The following CSMD2 variants were observed in gnomAD, a reference collection of about 807,000 sequenced individuals.
CSMD2 encodes CUB and Sushi multiple domains 2, also known as CUB and sushi domain-containing protein 2.
A neutral mutation model predicts 398.5 loss-of-function variants in CSMD2; 130 were observed. The observed-to-expected ratio is 0.33, with a 90% CI of 0.28 to 0.38. The LOEUF (loss-of-function observed/expected upper bound fraction) is 0.38, where lower values mean the gene tolerates loss of function less well. Among genes scored for constraint, CSMD2 ranks in the 10% least tolerant of loss-of-function variants. The probability of loss-of-function intolerance (pLI) is 1.00; values close to 1 mark genes in which losing one functional copy is unlikely to be tolerated. For synonymous variants in CSMD2, 1,828 were observed against 1,908.5 expected (o/e 0.96, Z 1.10); for missense variants, 3,829 against 4,764.9 (o/e 0.80, Z 5.78).
At chr1:34,107,669 A>T (rs951787589) in intron 1 of CSMD2, among the ~76,000 whole-genome samples, 12 of 152,168 alleles carry the variant, frequency 7.9e-5, no homozygotes, top group Non-Finnish European at 1.8e-4. Flanking sequence ...CCAATGTAGT[A>T]AGCTAAACTC....
chr1:33,849,484 T>TG (rs1638541128), intron 5 of CSMD2, among the ~76,000 whole-genome samples: 1 of 152,142 alleles, frequency 6.6e-6, no homozygotes, highest in African/African-American at 2.4e-5. Context: ...TTGTCAGAGC[T>TG]GGGGGTGAGA....
intron 53 of CSMD2, among the ~76,000 whole-genome samples, chr1:33,566,811 G>C (rs1163228461): frequency 6.6e-6 from 1 of 152,048 alleles, no homozygotes; most frequent in Non-Finnish European, 1.5e-5. Flanking sequence ...GAAGTGCAAG[G>C]AAAAACAGAA....
intron 1 of CSMD2, among the ~76,000 whole-genome samples, chr1:34,125,887 G>T (rs921938539): frequency 6.6e-6 from 1 of 152,160 alleles, no homozygotes; most frequent in Admixed American, 6.5e-5. Context: ...GCCCCGGGAG[G>T]GCTTTTGAGG....
chr1:33,973,300 C>T (rs1316264592), intron 3 of CSMD2, among the ~76,000 whole-genome samples: 1 of 152,210 alleles, frequency 6.6e-6, no homozygotes, highest in Non-Finnish European at 1.5e-5. Flanking sequence ...GCAGTGCAGA[C>T]AGCTGAGAGG....
chr1:33,772,792 C>G (rs561892045), intron 12 of CSMD2, 41 bp from the exon 13 acceptor site: 1 of 1,552,788 alleles, frequency 6.4e-7, no homozygotes, highest in South Asian at 1.2e-5. Context: ...CAAAAGGTGA[C>G]TTTATACCTC....
chr1:33,987,620 A>C (rs747082262), intron 3 of CSMD2, among the ~76,000 whole-genome samples: 2 of 152,172 alleles, frequency 1.3e-5, no homozygotes, highest in Non-Finnish European at 2.9e-5. Flanking sequence ...CTCTGTGGAT[A>C]AATTGCAAGG....
intron 52 of CSMD2, 31 bp from the exon 53 acceptor site, chr1:33,567,872 A>G: frequency 6.5e-7 from 1 of 1,548,842 alleles, no homozygotes; most frequent in South Asian, 1.2e-5. Flanking sequence ...GAAAAGGACC[A>G]ACTATCCCAC....
chr1:34,040,350 C>T (rs2148184751), intron 2 of CSMD2, among the ~76,000 whole-genome samples: 1 of 152,228 alleles, frequency 6.6e-6, no homozygotes, highest in African/African-American at 2.4e-5. Context: ...AAAATACAGA[C>T]AATTAAAAAA....
At chr1:33,566,510 G>C (rs368978548) in intron 53 of CSMD2, among the ~76,000 whole-genome samples, 1 of 152,014 alleles carries the variant, frequency 6.6e-6, no homozygotes, top group South Asian at 2.1e-4. Context: ...CCAACTAAAA[G>C]AAAAAGATGG....
chr1:33,583,778 G>A lies in CSMD2; in HGVS notation c.7104C>T (p.Ser2368=), dbSNP rs747542806. The change falls in exon 47 of 71, where the codon AGC becomes AGT. Residue 2368 remains serine, a synonymous_variant. Transcript: ENST00000373381. ...GGGGATAGCTTCCAGGGTAGCTCTGGCTCAGGATCACGCCTGTGGAGTCTG... is the reference window on the plus strand; with the variant it reads ...GGGGATAGCTTCCAGGGTAGCTCTGACTCAGGATCACGCCTGTGGAGTCTG... The part of the protein sequence containing the change: ...LLTDSTGVIL[S]QSYPGSYPQF... The A allele has an allele frequency of 6.2e-7, 1 of 1,614,198 alleles. No homozygotes were observed. Among genetic ancestry groups the A allele is most frequent in the Admixed American group, 1.7e-5 (1 of 60,008 alleles).
chr1:33,520,908 TG>T (rs1654215142), intron 68 of CSMD2, among the ~76,000 whole-genome samples: 1 of 152,200 alleles, frequency 6.6e-6, no homozygotes, highest in Admixed American at 6.5e-5. Context: ...CCAGAGGCTC[TG>T]GGCCAGGACA....
At chr1:34,054,229 G>C (rs1449656987) in intron 2 of CSMD2, among the ~76,000 whole-genome samples, 1 of 152,020 alleles carries the variant, frequency 6.6e-6, no homozygotes, top group Non-Finnish European at 1.5e-5. Context: ...CATTGCATTT[G>C]CCCTGTAATT....
At position 33,602,482 on chromosome 1, in the gene CSMD2, C is replaced by G; in HGVS notation, c.6597G>C (p.Pro2199=). The G allele has an allele frequency of 6.2e-7, 1 of 1,613,426 alleles. No homozygotes were observed. Among genetic ancestry groups the G allele is most frequent in the Non-Finnish European group, 8.5e-7 (1 of 1,179,840 alleles). The change falls in exon 43 of 71, where the codon CCG becomes CCC. Residue 2199 remains proline, a synonymous_variant. Transcript: ENST00000373381. ...AGACACAGTCCTGGGAGCTGGAGTA[C>G]GGGCTAGGGAACCCCGGGGAGTACA... The part of the protein sequence containing the change: ...GTVYSPGFPS[P]YSSSQDCVWL...
At chr1:33,781,393 T>C (rs1252420211) in intron 12 of CSMD2, among the ~76,000 whole-genome samples, 1 of 152,244 alleles carries the variant, frequency 6.6e-6, no homozygotes, top group East Asian at 1.9e-4. Flanking sequence ...CTACTGAAAA[T>C]GGACTATGAA....
At position 33,638,421 on chromosome 1, in the gene CSMD2, C is replaced by T. The variant is rs371760564; in HGVS notation, c.4775-1867G>A. Among the ~76,000 whole-genome samples, 7 of 152,320 alleles carry T rather than the reference C, an allele frequency of 4.6e-5. No homozygotes were observed. In the South Asian group the frequency reaches 1.5e-3, roughly 32 times the overall value. On this transcript the variant is annotated intron_variant, in intron 29 of 70. Coordinates refer to ENST00000373381, the MANE Select transcript of CSMD2 (RefSeq NM_001281956.2). ...TTCACACAGCTCATAAGAGGCAAAA[C>T]TAGCTGTAGTCCCCAATAACCACTT...
In CSMD2 at chr1:33,533,627, G is replaced by T. The variant is rs1410977229; in HGVS notation, c.9991+169C>A. ...GCCTTCCAATATCAGAAAGGCTTTT[G>T]TGTGGAAGTCTTCTGTGAGGCCCCA... On this transcript the variant is annotated intron_variant, in intron 63 of 70. Coordinates refer to ENST00000373381, the MANE Select transcript of CSMD2 (RefSeq NM_001281956.2). This position sits in a 1 kb window ranked among gnomAD's most constrained non-coding sequence, Gnocchi z 4.2. Among the ~76,000 whole-genome samples, 1 of 152,192 alleles carries T rather than the reference G, an allele frequency of 6.6e-6. No homozygotes were observed. Among genetic ancestry groups the T allele is most frequent in the East Asian group, 1.9e-4 (1 of 5,192 alleles).
chr1:33,818,197 C>G (rs1657691753), intron 9 of CSMD2, among the ~76,000 whole-genome samples: 1 of 152,234 alleles, frequency 6.6e-6, no homozygotes, highest in African/African-American at 2.4e-5. Flanking sequence ...GTCCCTTGGT[C>G]CTCAGACTTG....
At position 33,635,248 on chromosome 1, in the gene CSMD2, G is replaced by C; in HGVS notation, c.5052C>G (p.Ile1684Met). 6.2e-7 allele frequency: 1 copy of C among 1,613,424 alleles called. No individual in the cohort carries two copies. The highest frequency in any genetic ancestry group is 8.5e-7 in the Non-Finnish European group (1 of 1,179,440). Reference protein sequence around the residue: ...NYPQNYTSGQICLYFVTVPKD... With the variant: ...NYPQNYTSGQMCLYFVTVPKD... ...TGGGCACAGTAACAAAATACAAGCA[G>C]ATCTGTCCACTGGTGTAGTTCTGGG... The change falls in exon 31 of 71, where the codon ATC becomes ATG. Residue 1684 changes from isoleucine (I) to methionine (M), a missense_variant. By Grantham distance (10) the Ile-to-Met change is conservative. Coordinates refer to ENST00000373381, the MANE Select transcript of CSMD2 (RefSeq NM_001281956.2). This position sits in a 1 kb window ranked among gnomAD's most constrained non-coding sequence, Gnocchi z 5.0.
At chr1:33,848,881 A>G (rs890972759) in intron 5 of CSMD2, among the ~76,000 whole-genome samples, 2 of 151,754 alleles carry the variant, frequency 1.3e-5, no homozygotes, top group Non-Finnish European at 2.9e-5. Context: ...TATTTATATA[A>G]GGGAAGTAGA....
Sources: gnomAD v4.1 joint callset for allele counts (sites outside exome capture counted in the v4.1 genomes callset) on GRCh38, gnomAD v4.1.1 for gene constraint, Gnocchi (gnomAD v3.1) non-coding constraint, MANE v1.5 for transcripts, NCBI Gene and HGNC (gene_info 2026-07-23, HGNC 2026-07-21) for gene names.